Variants in TIAM1 observed in about 807,000 individuals in gnomAD.
TIAM1 encodes the protein rho guanine nucleotide exchange factor TIAM1.
TIAM1 carries 65 observed loss-of-function variants against 163.5 expected under a neutral mutation model. The observed-to-expected ratio is 0.40, with a 90% CI of 0.33 to 0.49. The LOEUF is 0.49. Ranked by LOEUF, TIAM1 falls within the 20% of genes least tolerant of loss-of-function variation. TIAM1 has a pLI of 0.77. For missense variants in TIAM1, 1,789 were observed against 2,044.7 expected (o/e 0.87, Z 2.41); for synonymous variants, 833 against 810.1 (o/e 1.03, Z -0.48).
intron 1 of TIAM1, among the ~76,000 whole-genome samples, chr21:31,531,349 G>A (rs2047963754): frequency 6.6e-6 from 1 of 152,184 alleles, no homozygotes; most frequent in Non-Finnish European, 1.5e-5. Context: ...CCAGCCACCG[G>A]TGCCACACAA....
chr21:31,425,421 A>G (rs1259288738), intron 2 of TIAM1, among the ~76,000 whole-genome samples: 1 of 152,136 alleles, frequency 6.6e-6, no homozygotes, highest in Non-Finnish European at 1.5e-5. Flanking sequence ...AATGGATGGC[A>G]GCAAAAGATA....
intron 2 of TIAM1, among the ~76,000 whole-genome samples, chr21:31,290,646 CAAAAAAAAAAAAAAAAA>C (rs200030849): frequency 1.4e-3 from 89 of 63,218 alleles, no homozygotes; most frequent in African/African-American, 5.2e-3. Context: ...GACTCTATCT[CAAAAAAAAAAAAAAAAA>C]AAAAAAAAAA....
At chr21:31,122,661 T>C (rs1303395286) in intron 27 of TIAM1, among the ~76,000 whole-genome samples, 2 of 152,234 alleles carry the variant, frequency 1.3e-5, no homozygotes, top group East Asian at 3.8e-4. Flanking sequence ...AATTGGGTTA[T>C]TGGCAAACGT....
chr21:31,295,334 G>C (rs539112525), intron 2 of TIAM1, among the ~76,000 whole-genome samples: 31 of 152,174 alleles, frequency 2.0e-4, no homozygotes, highest in Admixed American at 1.8e-3. Context: ...GTTGGGCGTG[G>C]TGGCAGGCAC....
chr21:31,129,176 C>G (rs761907494), intron 25 of TIAM1, among the ~76,000 whole-genome samples: 6 of 152,184 alleles, frequency 3.9e-5, no homozygotes, highest in African/African-American at 7.2e-5. Flanking sequence ...CAGGATGTGC[C>G]TGGGAGAGCC....
chr21:31,252,224 C>A (rs1555906593), intron 4 of TIAM1, 35 bp from the exon 5 acceptor site: 3 of 1,580,170 alleles, frequency 1.9e-6, no homozygotes, highest in Non-Finnish European at 1.7e-6. Flanking sequence ...AGAAGACAAG[C>A]GTCACGTGGA....
rs115633314 is a variant in TIAM1 at position 31,168,707 on chromosome 21, A to C, written c.2888-3642T>G. ...AAGCCACTGTGCCAGGCCCCCTGAC[A>C]TTCTAATCATAGGACTGACTTCATA... On this transcript the variant is annotated intron_variant, in intron 15 of 27. Coordinates refer to ENST00000541036, the MANE Select transcript of TIAM1 (RefSeq NM_001353694.2). 4.0e-3 allele frequency among the ~76,000 whole-genome samples: 609 copies of C among 152,264 alleles called. 6 individuals are homozygous for C. The highest frequency in any genetic ancestry group is 0.014 in the African/African-American group (568 of 41,560).
chr21:31,122,302 T>C (rs2082032422), intron 27 of TIAM1, among the ~76,000 whole-genome samples: 1 of 152,216 alleles, frequency 6.6e-6, no homozygotes. Context: ...TGACTTCTAT[T>C]GAGAAGAGAC....
At chr21:31,168,684 G>A (rs1385732650) in intron 15 of TIAM1, among the ~76,000 whole-genome samples, 2 of 152,178 alleles carry the variant, frequency 1.3e-5, no homozygotes, top group Non-Finnish European at 2.9e-5. Context: ...ACAGGTGTAA[G>A]CCACTGTGCC....
At chr21:31,244,539 A>G (rs2071390516) in intron 6 of TIAM1, among the ~76,000 whole-genome samples, 1 of 152,216 alleles carries the variant, frequency 6.6e-6, no homozygotes, top group Non-Finnish European at 1.5e-5. Flanking sequence ...AGCCTGACCA[A>G]TATGGTGAAA....
At chr21:31,213,883 A>G (rs1260250641) in intron 9 of TIAM1, among the ~76,000 whole-genome samples, 1 of 151,364 alleles carries the variant, frequency 6.6e-6, no homozygotes, top group Non-Finnish European at 1.5e-5. Flanking sequence ...AAAAAAAAAA[A>G]AAGAATTACA....
At chr21:31,452,429 T>A (rs2044899067) in intron 2 of TIAM1, 2 of 377,666 alleles carry the variant, frequency 5.3e-6, no homozygotes, top group South Asian at 6.0e-5. Flanking sequence ...AGACCCTATT[T>A]CGAAACAACA....
At chr21:31,243,891 A>C (rs1385906285) in intron 6 of TIAM1, among the ~76,000 whole-genome samples, 1 of 152,218 alleles carries the variant, frequency 6.6e-6, no homozygotes, top group Non-Finnish European at 1.5e-5. Flanking sequence ...TCCTTCAAAA[A>C]TGAAAGGGAA....
chr21:31,540,623 G>A (rs969854872), intron 1 of TIAM1, among the ~76,000 whole-genome samples: 2 of 152,122 alleles, frequency 1.3e-5, no homozygotes, highest in Non-Finnish European at 2.9e-5. Flanking sequence ...TAAACTTCTG[G>A]TTCATAAAAT....
At chr21:31,374,723 C>A (rs2076655541) in intron 2 of TIAM1, among the ~76,000 whole-genome samples, 1 of 152,144 alleles carries the variant, frequency 6.6e-6, no homozygotes, top group Non-Finnish European at 1.5e-5. Flanking sequence ...ACAGATTGTT[C>A]CAAGGCAATA....
chr21:31,431,374 G>A (rs531390439), intron 2 of TIAM1, among the ~76,000 whole-genome samples: 2 of 152,266 alleles, frequency 1.3e-5, no homozygotes, highest in African/African-American at 4.8e-5. Flanking sequence ...TAGATTGGGG[G>A]TGGATGGGGG....
intron 2 of TIAM1, among the ~76,000 whole-genome samples, chr21:31,417,602 C>T (rs1286967281): frequency 6.6e-6 from 1 of 152,174 alleles, no homozygotes; most frequent in East Asian, 1.9e-4. Context: ...AGCTACAATT[C>T]AAGATGAGAT....
chr21:31,457,226 G>C (rs574386841), intron 2 of TIAM1, among the ~76,000 whole-genome samples: 1 of 152,128 alleles, frequency 6.6e-6, no homozygotes, highest in Admixed American at 6.6e-5. Context: ...ATCCCAGCAC[G>C]AACTTCACAG....
intron 2 of TIAM1, among the ~76,000 whole-genome samples, chr21:31,313,150 C>A (rs1464263107): frequency 6.6e-6 from 1 of 152,226 alleles, no homozygotes; most frequent in East Asian, 1.9e-4. Context: ...GCCAAGTTTT[C>A]ATGCGTAATT....
Sources: gnomAD v4.1 joint callset for allele counts (sites outside exome capture counted in the v4.1 genomes callset) on GRCh38, gnomAD v4.1.1 for gene constraint, MANE v1.5 for transcripts, NCBI Gene and HGNC (gene_info 2026-07-23, HGNC 2026-07-21) for gene names.